The following ITFG1 variants were observed in gnomAD, a reference collection of about 807,000 sequenced individuals.
The protein encoded by ITFG1 is integrin alpha FG-GAP repeat containing 1, also known as T-cell immunomodulatory protein.
ITFG1 carries 34 observed loss-of-function variants against 81.8 expected under a neutral mutation model. The ratio of observed to expected loss-of-function variants is 0.42; its 90% CI spans 0.32 to 0.55. The LOEUF is 0.55. Among genes scored for constraint, ITFG1 ranks in the 20% least tolerant of loss-of-function variants. The pLI is 0.17. For missense variants in ITFG1, 672 were observed against 755.4 expected (o/e 0.89, Z 1.29); for synonymous variants, 285 against 270.6 (o/e 1.05, Z -0.52).
At chr16:47,288,354 G>C (rs1966878241) in intron 10 of ITFG1, among the ~76,000 whole-genome samples, 1 of 152,152 alleles carries the variant, frequency 6.6e-6, no homozygotes, top group Non-Finnish European at 1.5e-5. Context: ...TTGATGAATA[G>C]TTAGGTTCAT....
At chr16:47,343,852 T>C (rs1005133354) in intron 8 of ITFG1, among the ~76,000 whole-genome samples, 2 of 152,120 alleles carry the variant, frequency 1.3e-5, no homozygotes, top group African/African-American at 4.8e-5. Context: ...CTACTAAAAA[T>C]AAGTGAAAGC....
At chr16:47,444,749 A>G (rs1174843736) in intron 5 of ITFG1, among the ~76,000 whole-genome samples, 1 of 152,212 alleles carries the variant, frequency 6.6e-6, no homozygotes, top group Non-Finnish European at 1.5e-5. Flanking sequence ...TGATGGTCCT[A>G]GAGAATATTC....
intron 7 of ITFG1, among the ~76,000 whole-genome samples, chr16:47,368,986 T>A (rs1307183656): frequency 6.6e-6 from 1 of 152,178 alleles, no homozygotes; most frequent in Non-Finnish European, 1.5e-5. Flanking sequence ...ATTAGACAAC[T>A]TTTCCATTAT....
chr16:47,428,652 T>C (rs1969054341), intron 6 of ITFG1, 152 bp downstream of exon 6: 1 of 628,142 alleles, frequency 1.6e-6, no homozygotes. Flanking sequence ...GTCAGTACTT[T>C]TTCCATGTTT....
At chr16:47,262,139 A>G (rs576627011) in intron 10 of ITFG1, among the ~76,000 whole-genome samples, 1 of 152,354 alleles carries the variant, frequency 6.6e-6, no homozygotes, top group African/African-American at 2.4e-5. Flanking sequence ...ATGTCTGGTA[A>G]ATATATGATT....
At chr16:47,442,544 A>C (rs963188022) in intron 5 of ITFG1, among the ~76,000 whole-genome samples, 1 of 152,236 alleles carries the variant, frequency 6.6e-6, no homozygotes, top group African/African-American at 2.4e-5. Flanking sequence ...TACTGGTACC[A>C]AAACAGAAAT....
intron 12 of ITFG1, among the ~76,000 whole-genome samples, chr16:47,244,897 GA>G (rs1189757726): frequency 3.2e-4 from 48 of 152,160 alleles, no homozygotes; most frequent in Non-Finnish European, 6.0e-4. Flanking sequence ...ACCAGGAGAT[GA>G]GGCTGCTCAG....
intron 14 of ITFG1, among the ~76,000 whole-genome samples, chr16:47,213,136 C>T (rs1194769491): frequency 6.6e-6 from 1 of 151,862 alleles, no homozygotes; most frequent in Non-Finnish European, 1.5e-5. Context: ...TAAGAATTTC[C>T]CTTGAAAATT....
intron 6 of ITFG1, among the ~76,000 whole-genome samples, chr16:47,380,204 A>C (rs1596944772): frequency 1.3e-5 from 2 of 152,194 alleles, no homozygotes; most frequent in East Asian, 3.9e-4. Flanking sequence ...GGTTGGAAAC[A>C]AAATACATGA....
At chr16:47,177,112 A>C (rs547584224) in intron 14 of ITFG1, among the ~76,000 whole-genome samples, 1 of 152,052 alleles carries the variant, frequency 6.6e-6, no homozygotes, top group Non-Finnish European at 1.5e-5. Flanking sequence ...GGCACATGAC[A>C]TCATATCTGG....
chr16:47,435,531 G>T (rs1969155298), intron 5 of ITFG1, among the ~76,000 whole-genome samples: 2 of 152,182 alleles, frequency 1.3e-5, no homozygotes. Flanking sequence ...GAATGAATTT[G>T]TCAAAGAATG....
intron 14 of ITFG1, among the ~76,000 whole-genome samples, chr16:47,187,134 A>G (rs1596794751): frequency 1.3e-5 from 2 of 152,328 alleles, no homozygotes; most frequent in Admixed American, 1.3e-4. Flanking sequence ...ATGGAAGAAC[A>G]TTCCATGCTC....
rs1484240799 is a variant in ITFG1, at chr16:47,311,246, G to T, written c.1064C>A (p.Ser355Tyr). 1.2e-6 allele frequency: 2 copies of T among 1,602,912 alleles called. No individual in the cohort carries two copies. Among genetic ancestry groups the T allele is most frequent in the Admixed American group, 1.7e-5 (1 of 58,254 alleles). Reference sequence around the variant, plus strand: ...CTTGATTTAATTTCCTTACCTTCCAGATGTGTTCTTTAGTATGACCAGAGC... The same window carrying T: ...CTTGATTTAATTTCCTTACCTTCCATATGTGTTCTTTAGTATGACCAGAGC... The part of the protein sequence containing the change: ...PDALVILKNT[S>Y]GSNQQAFLLE... Residue 355 changes from serine (S) to tyrosine (Y), a missense_variant, in exon 10 of 18, where the codon TCT becomes TAT. Physicochemically the swap from Ser to Tyr is moderately radical, Grantham distance 144. Coordinates refer to ENST00000320640, the MANE Select transcript of ITFG1 (RefSeq NM_030790.5).
intron 9 of ITFG1, chr16:47,312,613 T>C (rs1967284576): frequency 1.3e-5 from 2 of 152,200 alleles, no homozygotes; most frequent in South Asian, 4.1e-4. Flanking sequence ...ACTTGGTTTT[T>C]AAAAAATTGT....
chr16:47,206,832 C>A (rs933399109), intron 14 of ITFG1, among the ~76,000 whole-genome samples: 14 of 152,184 alleles, frequency 9.2e-5, no homozygotes, highest in Non-Finnish European at 1.6e-4. Context: ...CATCTTGTGC[C>A]TGAATGCTTC....
At chr16:47,177,640 T>C (rs890683694) in intron 14 of ITFG1, among the ~76,000 whole-genome samples, 1 of 152,220 alleles carries the variant, frequency 6.6e-6, no homozygotes, top group East Asian at 1.9e-4. Context: ...TTTTAATGAC[T>C]TCTTATTTAA....
chr16:47,382,091 AT>A (rs1380507907), intron 6 of ITFG1, among the ~76,000 whole-genome samples: 1 of 152,244 alleles, frequency 6.6e-6, no homozygotes, highest in Non-Finnish European at 1.5e-5. Context: ...GATTTTTAAT[AT>A]GAAAAATCAA....
intron 5 of ITFG1, among the ~76,000 whole-genome samples, chr16:47,444,095 A>C (rs1330174369): frequency 1.3e-5 from 2 of 152,168 alleles, no homozygotes; most frequent in Non-Finnish European, 2.9e-5. Flanking sequence ...TTTTCAATTC[A>C]AATAAATGTG....
chr16:47,407,941 A>G (rs1422578388), intron 6 of ITFG1, among the ~76,000 whole-genome samples: 2 of 152,166 alleles, frequency 1.3e-5, no homozygotes, highest in Non-Finnish European at 2.9e-5. Context: ...AGAGTGTGCA[A>G]AGAAAGAAAA....
Sources: gnomAD v4.1 joint callset for allele counts (sites outside exome capture counted in the v4.1 genomes callset) on GRCh38, gnomAD v4.1.1 for gene constraint, MANE v1.5 for transcripts, NCBI Gene and HGNC (gene_info 2026-07-23, HGNC 2026-07-21) for gene names.